Variants in MPDZ observed in about 807,000 individuals in gnomAD.
MPDZ encodes the protein multiple PDZ domain protein.
A neutral mutation model predicts 239.1 loss-of-function variants in MPDZ; 234 were observed. That is an observed-to-expected ratio of 0.98 (90% confidence interval 0.88 to 1.09). MPDZ has a LOEUF of 1.09. MPDZ is among the 50% of genes least tolerant of loss of function. MPDZ has a pLI of 0.00. For synonymous variants in MPDZ, 1,048 were observed against 881.3 expected (o/e 1.19, Z -3.35); for missense variants, 3,175 against 2,510.0 (o/e 1.26, Z -5.66).
chr9:13,139,555 T>C (rs1947330618), intron 28 of MPDZ, among the ~76,000 whole-genome samples: 1 of 152,204 alleles, frequency 6.6e-6, no homozygotes, highest in Non-Finnish European at 1.5e-5. Context: ...CTAAAGTTTT[T>C]ATCTCCACAA....
chr9:13,267,830 A>G lies in MPDZ; in HGVS notation c.-58+11570T>C, dbSNP rs554831456. Among the ~76,000 whole-genome samples the G allele has an allele frequency of 2.6e-5, 4 of 152,338 alleles. No individual in the cohort carries two copies. In the South Asian group the frequency reaches 6.2e-4, roughly 24 times the overall value. On this transcript the variant is annotated intron_variant, in intron 1 of 46. Transcript: ENST00000319217. ...TTAGCATTCACCAGGCTAACAGAAT[A>G]TAGAGCAAAGTGGTGCTGACTGAGG...
rs201064037 is a variant in MPDZ, at chr9:13,119,641, G to T, written c.5240C>A (p.Thr1747Asn). 1 of 1,613,758 alleles carries T rather than the reference G, an allele frequency of 6.2e-7. No homozygotes were observed. Among genetic ancestry groups the T allele is most frequent in the African/African-American group, 1.3e-5 (1 of 74,992 alleles). ...GLSIVGKRND[T>N]GVFVSDIVKG... The stretch of plus-strand genomic sequence containing the variant: ...GACAATGTCTGACACAAATACTCCA[G>T]TATCGTTTCTACACACAATTTTGAA... Residue 1747 changes from threonine to asparagine, a missense_variant, in exon 39 of 47, where the codon ACT (threonine) becomes AAT (asparagine). Thr to Asn is a moderately conservative substitution (Grantham distance 65, BLOSUM62 0). Coordinates refer to ENST00000319217, the MANE Select transcript of MPDZ (RefSeq NM_001378778.1).
intron 12 of MPDZ, among the ~76,000 whole-genome samples, chr9:13,196,547 T>C (rs1480582208): frequency 1.3e-5 from 2 of 152,156 alleles, no homozygotes; most frequent in East Asian, 3.9e-4. Flanking sequence ...AGTCCTCTGG[T>C]AATGCTACAG....
At chr9:13,140,420 GA>G (rs1009171698) in intron 27 of MPDZ, among the ~76,000 whole-genome samples, 6 of 142,198 alleles carry the variant, frequency 4.2e-5, no homozygotes, top group African/African-American at 1.6e-4. Context: ...GTATATATAT[GA>G]GCTTTCCATT....
intron 5 of MPDZ, 103 bp from the exon 6 acceptor site, chr9:13,222,549 A>T (rs566289919): frequency 2.2e-6 from 2 of 901,766 alleles, no homozygotes; most frequent in East Asian, 4.9e-5. Flanking sequence ...CCTATTTTTA[A>T]TTCCCACACT....
In MPDZ at chr9:13,223,558, G is replaced by A. The variant is rs377144016; in HGVS notation, c.533+13C>T. 3.7e-4 allele frequency: 594 copies of A among 1,595,006 alleles called. No homozygotes were observed. Among genetic ancestry groups the A allele is most frequent in the South Asian group, 9.3e-4 (81 of 87,102 alleles). On this transcript the variant is annotated intron_variant, in intron 5 of 46. Coordinates refer to ENST00000319217, the MANE Select transcript of MPDZ (RefSeq NM_001378778.1). Reference sequence around the variant, plus strand: ...TGGGATCAAAAACAAAGAAGACGCCGCGACCATCTCACCTATGGGCCACAC... The same window carrying A: ...TGGGATCAAAAACAAAGAAGACGCCACGACCATCTCACCTATGGGCCACAC...
At chr9:13,228,461 C>A (rs1441075895) in intron 3 of MPDZ, among the ~76,000 whole-genome samples, 3 of 151,996 alleles carry the variant, frequency 2.0e-5, no homozygotes, top group Non-Finnish European at 4.4e-5. Context: ...AGTATTGATT[C>A]ACATACTACA....
At chr9:13,228,323 A>T (rs1010783592) in intron 3 of MPDZ, among the ~76,000 whole-genome samples, 1 of 152,232 alleles carries the variant, frequency 6.6e-6, no homozygotes, top group Middle Eastern at 3.4e-3. Context: ...TACCTAAAAC[A>T]TAACCTAAAT....
chr9:13,114,110 A>T (rs1375994761), intron 40 of MPDZ, 89 bp from the exon 41 acceptor site: 13 of 988,190 alleles, frequency 1.3e-5, no homozygotes, highest in Non-Finnish European at 1.5e-5. Context: ...CTAGAGACAG[A>T]TACCTGTTAA....
chr9:13,245,883 T>G (rs1467628714), intron 3 of MPDZ, among the ~76,000 whole-genome samples: 1 of 152,092 alleles, frequency 6.6e-6, no homozygotes, highest in African/African-American at 2.4e-5. Flanking sequence ...CACAAATAAC[T>G]ATTCCTTTTA....
intron 24 of MPDZ, among the ~76,000 whole-genome samples, chr9:13,155,154 G>A (rs1273241724): frequency 2.7e-5 from 4 of 150,044 alleles, no homozygotes; most frequent in Admixed American, 2.0e-4. Flanking sequence ...GGAGGCAGAG[G>A]TTGCAGTGAG....
chr9:13,259,926 C>A (rs188083998), intron 1 of MPDZ, among the ~76,000 whole-genome samples: 6 of 152,170 alleles, frequency 3.9e-5, no homozygotes, highest in Non-Finnish European at 7.4e-5. Context: ...CTCCGCCTCC[C>A]AGGTTCAAGC....
intron 38 of MPDZ, 93 bp from the exon 39 acceptor site, chr9:13,119,742 A>C: frequency 6.7e-7 from 1 of 1,484,602 alleles, no homozygotes; most frequent in East Asian, 2.3e-5. Context: ...CAAAATTTTT[A>C]CTTGTTTTTA....
At chr9:13,157,524 T>C (rs1056681447) in intron 24 of MPDZ, among the ~76,000 whole-genome samples, 22 of 152,086 alleles carry the variant, frequency 1.4e-4, no homozygotes, top group African/African-American at 4.1e-4. Flanking sequence ...CTAAGTATAT[T>C]TGAGGATGTC....
intron 23 of MPDZ, among the ~76,000 whole-genome samples, chr9:13,160,420 T>C (rs1950322430): frequency 6.6e-6 from 1 of 152,162 alleles, no homozygotes; most frequent in Admixed American, 6.6e-5. Flanking sequence ...CATCCTCTTG[T>C]CTGTGCTTGG....
chr9:13,277,717 A>G (rs759569858), intron 1 of MPDZ, among the ~76,000 whole-genome samples: 3 of 152,076 alleles, frequency 2.0e-5, no homozygotes, highest in Non-Finnish European at 2.9e-5. Flanking sequence ...GGTGCGAGCC[A>G]TCACGCTCCG....
rs1021816996 is a variant in MPDZ, at chr9:13,278,839, A to T, written c.-58+561T>A. 1.6e-3 allele frequency among the ~76,000 whole-genome samples: 242 copies of T among 151,904 alleles called. 3 individuals are homozygous for T. Among genetic ancestry groups the T allele is most frequent in the Admixed American group, 0.016 (239 of 15,280 alleles). On this transcript the variant is annotated intron_variant, in intron 1 of 46. Transcript: ENST00000319217. ...GCATTGCTGCCCACTCTCTACCGCAACCCGCACATCCCGGGACCACGTAAC... is the reference window on the plus strand; with the variant it reads ...GCATTGCTGCCCACTCTCTACCGCATCCCGCACATCCCGGGACCACGTAAC...
intron 19 of MPDZ, among the ~76,000 whole-genome samples, chr9:13,180,294 T>C (rs894772237): frequency 2.0e-5 from 3 of 152,180 alleles, no homozygotes; most frequent in Non-Finnish European, 4.4e-5. Context: ...TGAGTTGACG[T>C]ACAAGGTGCA....
At chr9:13,264,844 G>C (rs1393177059) in intron 1 of MPDZ, among the ~76,000 whole-genome samples, 3 of 152,162 alleles carry the variant, frequency 2.0e-5, no homozygotes, top group African/African-American at 7.2e-5. Context: ...AAAGATTTAA[G>C]TTCTGAGAAT....
Sources: gnomAD v4.1 joint callset for allele counts (sites outside exome capture counted in the v4.1 genomes callset) on GRCh38, gnomAD v4.1.1 for gene constraint, MANE v1.5 for transcripts, NCBI Gene and HGNC (gene_info 2026-07-23, HGNC 2026-07-21) for gene names.